Variants in TOM1L2 observed in about 807,000 individuals in gnomAD.
TOM1L2 encodes the protein TOM1-like protein 2.
TOM1L2 carries 31 observed loss-of-function variants against 67.9 expected under a neutral mutation model. That is an observed-to-expected ratio of 0.46 (90% CI 0.34 to 0.62). The LOEUF is 0.62. Among genes scored for constraint, TOM1L2 ranks in the 20% least tolerant of loss-of-function variants. The pLI is 0.01. For missense variants in TOM1L2, 606 were observed against 663.5 expected (o/e 0.91, Z 0.95); for synonymous variants, 256 against 254.0 (o/e 1.01, Z -0.07).
In TOM1L2 at chr17:17,882,783, C is replaced by T. The variant is rs1335580426; in HGVS notation, c.582G>A (p.Ser194=). ...QQRTSAGSYS[S]PPPAPYSAPQ... is the part of the protein sequence containing the mutation. Reference sequence around the variant, plus strand: ...GTGCGGAGTAGGGAGCAGGAGGCGGCGAGGAATAGGAACCAGCACTTGTCC... The same window carrying T: ...GTGCGGAGTAGGGAGCAGGAGGCGGTGAGGAATAGGAACCAGCACTTGTCC... Residue 194 remains serine, a synonymous_variant, in exon 6 of 15, where the codon TCG becomes TCA. Transcript: ENST00000379504. The T allele has an allele frequency of 1.2e-5, 20 of 1,614,052 alleles. No individual in the cohort carries two copies. Among genetic ancestry groups the T allele is most frequent in the Admixed American group, 3.3e-5 (2 of 60,004 alleles).
At chr17:17,910,479 C>A (rs982406524) in intron 1 of TOM1L2, among the ~76,000 whole-genome samples, 3 of 152,194 alleles carry the variant, frequency 2.0e-5, no homozygotes, top group African/African-American at 7.2e-5. Flanking sequence ...ACCTGGGGAG[C>A]TTCTAGAGAG....
chr17:17,853,262 T>C (rs2036087820), intron 12 of TOM1L2, among the ~76,000 whole-genome samples: 1 of 152,216 alleles, frequency 6.6e-6, no homozygotes, highest in Non-Finnish European at 1.5e-5. Flanking sequence ...CACTAGCGGT[T>C]AGAGTGTGCA....
At chr17:17,907,366 C>T in intron 2 of TOM1L2, 81 bp downstream of exon 2, 1 of 1,296,312 alleles carries the variant, frequency 7.7e-7, no homozygotes, top group Non-Finnish European at 1.1e-6. Context: ...AAAATAAAAC[C>T]TGCCACCCTT....
At position 17,869,359 on chromosome 17, in the gene TOM1L2, CGTT is replaced by C; in HGVS notation, c.889_891del (p.Asn297del). ...TCCCACCTCTCGTATCGAAGGAAGA[CGTT>C]GTTGAGGTCATCGTTCACATGCAGC... On this transcript the variant is annotated inframe_deletion, in exon 8 of 15. Coordinates refer to ENST00000379504, the MANE Select transcript of TOM1L2 (RefSeq NM_001082968.2). The C allele has an allele frequency of 6.2e-7, 1 of 1,611,380 alleles. No individual in the cohort carries two copies. Among genetic ancestry groups the C allele is most frequent in the Non-Finnish European group, 8.5e-7 (1 of 1,179,590 alleles).
intron 12 of TOM1L2, among the ~76,000 whole-genome samples, chr17:17,856,713 G>C (rs2036270260): frequency 6.6e-6 from 1 of 152,166 alleles, no homozygotes; most frequent in African/African-American, 2.4e-5. Context: ...TCCAGCTCAG[G>C]CTCCATCACA....
intron 1 of TOM1L2, among the ~76,000 whole-genome samples, chr17:17,962,016 C>G (rs371911723): frequency 2.0e-5 from 3 of 152,086 alleles, no homozygotes; most frequent in African/African-American, 7.2e-5. Context: ...GGTATAAACA[C>G]ACAATGGAAT....
chr17:17,938,611 C>G (rs1440354119), intron 1 of TOM1L2, among the ~76,000 whole-genome samples: 1 of 152,136 alleles, frequency 6.6e-6, no homozygotes, highest in Non-Finnish European at 1.5e-5. Context: ...CTCCAGATTC[C>G]ACTTCTACCC....
At chr17:17,953,016 A>T (rs73301894) in intron 1 of TOM1L2, among the ~76,000 whole-genome samples, 2,649 of 152,238 alleles carry the variant, frequency 0.017, 86 homozygotes, top group African/African-American at 0.061. Context: ...TGCCCAACAG[A>T]CTGGTCCCCA....
At chr17:17,920,198 G>A (rs1243761123) in intron 1 of TOM1L2, among the ~76,000 whole-genome samples, 1 of 151,724 alleles carries the variant, frequency 6.6e-6, no homozygotes, top group African/African-American at 2.4e-5. Context: ...TAGATGCTGG[G>A]TCACTTTATT....
rs1382475008 is a variant in TOM1L2 at position 17,847,712 on chromosome 17, C to T, written c.1447G>A (p.Glu483Lys). The T allele has an allele frequency of 1.9e-6, 3 of 1,613,876 alleles. No individual in the cohort carries two copies. Among genetic ancestry groups the T allele is most frequent in the African/African-American group, 2.7e-5 (2 of 74,894 alleles). Residue 483 changes from glutamate (E) to lysine (K), a missense_variant, in exon 15 of 15, where the codon GAG becomes AAG. Coordinates refer to ENST00000379504, the MANE Select transcript of TOM1L2 (RefSeq NM_001082968.2). ...MVPDLPSPPM[E>K]APAPASNPSG... ...GGGTTTGAGGCTGGGGCAGGAGCCT[C>T]CATGGGGGGCGAGGGGAGGTCGGGA...
chr17:17,849,841 T>C (rs1476536701), intron 13 of TOM1L2, among the ~76,000 whole-genome samples: 1 of 152,240 alleles, frequency 6.6e-6, no homozygotes, highest in East Asian at 1.9e-4. Context: ...GCAATTTCTT[T>C]TCGAGACAGC....
At chr17:17,884,146 A>T (rs758669501) in intron 5 of TOM1L2, among the ~76,000 whole-genome samples, 15 of 152,204 alleles carry the variant, frequency 9.9e-5, no homozygotes, top group Admixed American at 2.0e-4. Context: ...GGAATCAAGG[A>T]TTGAATCCAG....
rs752763407 is a variant in TOM1L2, at chr17:17,847,592, C to T, written c.*43G>A. On this transcript the variant is annotated 3_prime_UTR_variant, in exon 15 of 15. Coordinates refer to ENST00000379504, the MANE Select transcript of TOM1L2 (RefSeq NM_001082968.2). The stretch of plus-strand genomic sequence containing the variant: ...GCCAGTGCCCGGTGTCCACGGGGTG[C>T]GAGCGGGGACCCGCCATCTGGGGAG... 1.6e-5 allele frequency: 25 copies of T among 1,564,982 alleles called. No individual in the cohort carries two copies. In the Admixed American group the frequency reaches 2.1e-4, roughly 13 times the overall value.
intron 1 of TOM1L2, among the ~76,000 whole-genome samples, chr17:17,922,703 G>A (rs1256932328): frequency 6.6e-6 from 1 of 152,172 alleles, no homozygotes; most frequent in Admixed American, 6.5e-5. Context: ...ATAAGTTAGT[G>A]ATATAAGACA....
chr17:17,917,940 A>G (rs2039698494), intron 1 of TOM1L2, among the ~76,000 whole-genome samples: 1 of 152,066 alleles, frequency 6.6e-6, no homozygotes, highest in Admixed American at 6.5e-5. Flanking sequence ...GGGCAACACA[A>G]TGAGGCTGCC....
chr17:17,930,194 C>T (rs975926680), intron 1 of TOM1L2, among the ~76,000 whole-genome samples: 12 of 152,214 alleles, frequency 7.9e-5, no homozygotes, highest in African/African-American at 2.9e-4. Flanking sequence ...GCTGACACTA[C>T]TCATTATGCA....
At chr17:17,850,860 C>A in intron 13 of TOM1L2, 33 bp downstream of exon 13, 6 of 1,612,252 alleles carry the variant, frequency 3.7e-6, no homozygotes, top group Non-Finnish European at 5.1e-6. Flanking sequence ...CCGCTCCACA[C>A]CCCACAGATG....
chr17:17,857,975 C>A, intron 12 of TOM1L2: 1 of 842,666 alleles, frequency 1.2e-6, no homozygotes, highest in Non-Finnish European at 1.9e-6. Flanking sequence ...TGATGCCCTG[C>A]TCCCAACCTC....
intron 7 of TOM1L2, among the ~76,000 whole-genome samples, chr17:17,870,821 A>C (rs924535088): frequency 6.6e-6 from 1 of 152,204 alleles, no homozygotes. Flanking sequence ...AGCCACACAC[A>C]GTGAAAAAGC....
Sources: allele counts gnomAD v4.1 joint callset (sites outside exome capture counted in the v4.1 genomes callset), GRCh38; gene constraint gnomAD v4.1.1; transcripts MANE v1.5; gene names NCBI Gene and HGNC (gene_info 2026-07-23, HGNC 2026-07-21).